Variants in HS3ST2 observed in about 807,000 individuals in gnomAD.
HS3ST2 encodes heparan sulfate glucosamine 3-O-sulfotransferase 2.
Under a neutral mutation model 26.3 loss-of-function variants are expected in HS3ST2, and 17 were observed. The observed-to-expected ratio is 0.65, with a 90% CI of 0.44 to 0.97. The LOEUF (loss-of-function observed/expected upper bound fraction) is 0.97. Among genes scored for constraint, HS3ST2 ranks in the 50% least tolerant of loss-of-function variants. HS3ST2 has a pLI of 0.00. For missense variants in HS3ST2, 402 were observed against 501.2 expected (o/e 0.80, Z 1.89); for synonymous variants, 237 against 219.2 (o/e 1.08, Z -0.72).
At chr16:22,826,608 C>T (rs571101993) in intron 1 of HS3ST2, among the ~76,000 whole-genome samples, 84 of 152,328 alleles carry the variant, frequency 5.5e-4, no homozygotes, top group African/African-American at 2.0e-3. Context: ...ATGACTGTAT[C>T]CCTGAAGCTC....
At chr16:22,910,425 G>A (rs1032870666) in intron 1 of HS3ST2, among the ~76,000 whole-genome samples, 8 of 152,090 alleles carry the variant, frequency 5.3e-5, no homozygotes, top group Non-Finnish European at 1.0e-4. Context: ...ATCTATTCCT[G>A]TCATACAGGC....
chr16:22,814,685 G>T lies in HS3ST2; in HGVS notation c.75G>T (p.Thr25=), dbSNP rs568065832. 3 of 1,601,686 alleles carry T rather than the reference G, an allele frequency of 1.9e-6. No individual in the cohort carries two copies. Among genetic ancestry groups the T allele is most frequent in the African/African-American group, 2.7e-5 (2 of 74,750 alleles). The change falls in exon 1 of 2, where the codon ACG becomes ACT. Residue 25 remains threonine, a synonymous_variant. Coordinates refer to ENST00000261374, the MANE Select transcript of HS3ST2 (RefSeq NM_006043.2). The part of the protein sequence containing the change: ...RRARRLLFAF[T]LSLSCTYLCY... Reference sequence around the variant, plus strand: ...CGCGCAGGCTGCTCTTCGCCTTCACGCTCTCGCTCTCCTGCACTTACCTGT... The same window carrying T: ...CGCGCAGGCTGCTCTTCGCCTTCACTCTCTCGCTCTCCTGCACTTACCTGT...
chr16:22,851,782 C>A (rs975652440), intron 1 of HS3ST2, among the ~76,000 whole-genome samples: 1 of 152,204 alleles, frequency 6.6e-6, no homozygotes, highest in African/African-American at 2.4e-5. Flanking sequence ...TATTCACTCC[C>A]ATCTCCCCTC....
chr16:22,876,277 AG>A (rs1333692146), intron 1 of HS3ST2, among the ~76,000 whole-genome samples: 1 of 152,204 alleles, frequency 6.6e-6, no homozygotes, highest in Non-Finnish European at 1.5e-5. Context: ...CTCATCAAAA[AG>A]TGGGCTAAGG....
chr16:22,823,623 A>G (rs1901036031), intron 1 of HS3ST2, among the ~76,000 whole-genome samples: 2 of 151,184 alleles, frequency 1.3e-5, no homozygotes, highest in African/African-American at 4.9e-5. Context: ...TTCTCTAAAA[A>G]AAAAAAAAAA....
intron 1 of HS3ST2, among the ~76,000 whole-genome samples, chr16:22,886,270 T>C (rs1344972847): frequency 6.6e-6 from 1 of 152,226 alleles, no homozygotes; most frequent in Non-Finnish European, 1.5e-5. Context: ...ATATAGCTTT[T>C]TGTTTCTTTC....
intron 1 of HS3ST2, among the ~76,000 whole-genome samples, chr16:22,833,760 T>G (rs1473681219): frequency 6.6e-6 from 1 of 152,136 alleles, no homozygotes; most frequent in African/African-American, 2.4e-5. Flanking sequence ...CATCATTGTC[T>G]CCAACATATA....
chr16:22,853,019 C>G (rs1164188077), intron 1 of HS3ST2, among the ~76,000 whole-genome samples: 1 of 152,108 alleles, frequency 6.6e-6, no homozygotes, highest in African/African-American at 2.4e-5. Flanking sequence ...TTACCTTTTT[C>G]ACCCACTTTG....
chr16:22,847,196 C>T (rs1901446972), intron 1 of HS3ST2, among the ~76,000 whole-genome samples: 1 of 152,118 alleles, frequency 6.6e-6, no homozygotes, highest in African/African-American at 2.4e-5. Context: ...CGTGTGTTCT[C>T]ATCATTTAGT....
intron 1 of HS3ST2, among the ~76,000 whole-genome samples, chr16:22,830,210 T>C (rs1901149110): frequency 6.6e-6 from 1 of 151,896 alleles, no homozygotes; most frequent in Admixed American, 6.5e-5. Context: ...CCCAATGACG[T>C]ATTCAGAACA....
Position 22,814,594 on chromosome 16 carries a change from C to A in HS3ST2, c.-17C>A, listed in dbSNP as rs759141506. The A allele has an allele frequency of 2.0e-6, 3 of 1,511,890 alleles. No homozygotes were observed. The highest frequency in any genetic ancestry group is 1.2e-5 in the South Asian group (1 of 80,920). 93.7% of individuals were successfully genotyped at this position (1,511,890 alleles called of 1,614,324 possible). A position where few individuals can be genotyped will look rare whatever the true frequency, so the allele number is the denominator to read the frequency against. On this transcript the variant is annotated 5_prime_UTR_variant, in exon 1 of 2. Coordinates refer to ENST00000261374, the MANE Select transcript of HS3ST2 (RefSeq NM_006043.2). Reference sequence around the variant, plus strand: ...CCCCCTCGGAAACCATGACCCCCGGCGCGGGCCCATGGAGCCATGGCCTAT... The same window carrying A: ...CCCCCTCGGAAACCATGACCCCCGGAGCGGGCCCATGGAGCCATGGCCTAT...
intron 1 of HS3ST2, among the ~76,000 whole-genome samples, chr16:22,875,188 A>C (rs1901897188): frequency 6.6e-6 from 1 of 152,078 alleles, no homozygotes; most frequent in Admixed American, 6.5e-5. Flanking sequence ...AAAATAGAAA[A>C]ATGGTTATAA....
chr16:22,876,572 T>C (rs1220326029), intron 1 of HS3ST2, among the ~76,000 whole-genome samples: 2 of 152,210 alleles, frequency 1.3e-5, no homozygotes, highest in African/African-American at 4.8e-5. Flanking sequence ...TGGAAAACCG[T>C]GTGGAGATTC....
intron 1 of HS3ST2, among the ~76,000 whole-genome samples, chr16:22,867,340 C>G (rs190379900): frequency 6.6e-6 from 1 of 151,910 alleles, no homozygotes; most frequent in African/African-American, 2.4e-5. Flanking sequence ...AAGCATGGCA[C>G]CAAAGACAGA....
At chr16:22,860,957 C>T (rs975864240) in intron 1 of HS3ST2, among the ~76,000 whole-genome samples, 2 of 151,886 alleles carry the variant, frequency 1.3e-5, no homozygotes, top group East Asian at 1.9e-4. Flanking sequence ...AATGCAGCCT[C>T]GAATTCCTGG....
At chr16:22,821,790 G>A (rs1355053681) in intron 1 of HS3ST2, among the ~76,000 whole-genome samples, 1 of 152,132 alleles carries the variant, frequency 6.6e-6, no homozygotes, top group Non-Finnish European at 1.5e-5. Flanking sequence ...GACGAGGTGG[G>A]TAAAAGCCAC....
intron 1 of HS3ST2, among the ~76,000 whole-genome samples, chr16:22,904,393 G>A (rs376541640): frequency 1.3e-5 from 2 of 152,154 alleles, no homozygotes; most frequent in African/African-American, 4.8e-5. Flanking sequence ...AGATGCCACA[G>A]TCATGATCCC....
intron 1 of HS3ST2, among the ~76,000 whole-genome samples, chr16:22,861,918 C>T (rs1254808673): frequency 6.6e-6 from 1 of 152,220 alleles, no homozygotes; most frequent in Non-Finnish European, 1.5e-5. Context: ...TCATTCAAAC[C>T]TGAGCCCAGT....
intron 1 of HS3ST2, among the ~76,000 whole-genome samples, chr16:22,826,471 C>CTTGCTTTA (rs1901088277): frequency 1.3e-5 from 2 of 152,168 alleles, no homozygotes; most frequent in East Asian, 3.8e-4. Context: ...TCCTCACCAC[C>CTTGCTTTA]TTGCTTTATT....
Sources: allele counts gnomAD v4.1 joint callset (sites outside exome capture counted in the v4.1 genomes callset), GRCh38; gene constraint gnomAD v4.1.1; transcripts MANE v1.5; gene names NCBI Gene and HGNC (gene_info 2026-07-23, HGNC 2026-07-21).